COMMD1: variants seen among roughly 807,000 people sequenced by gnomAD.
The protein encoded by COMMD1 is copper metabolism domain containing 1.
In COMMD1, 10 loss-of-function variants were observed where a neutral mutation model predicts 17.2. The observed-to-expected ratio is 0.58, with a 90% CI of 0.36 to 0.99. The LOEUF (loss-of-function observed/expected upper bound fraction) is 0.99, where lower values mean the gene tolerates loss of function less well. Ranked by LOEUF, COMMD1 falls within the 50% of genes least tolerant of loss-of-function variation. COMMD1 has a pLI of 0.01. For missense variants in COMMD1, 270 were observed against 231.8 expected, an observed-to-expected ratio of 1.17 and a Z score of -1.07; for synonymous variants, 97 against 91.6, an observed-to-expected ratio of 1.06 and a Z score of -0.34.
chr2:61,890,465 C>T (rs66481227), intron 1 of COMMD1, among the ~76,000 whole-genome samples: 33,496 of 151,960 alleles, frequency 0.22, 3,810 homozygotes, highest in Non-Finnish European at 0.24. Context: ...GTGATAGGCC[C>T]GCCTCGGCTT....
chr2:61,956,387 C>T (rs1287649341), intron 1 of COMMD1, among the ~76,000 whole-genome samples: 2 of 149,206 alleles, frequency 1.3e-5, no homozygotes, highest in Non-Finnish European at 2.9e-5. Flanking sequence ...TAAATGTTAG[C>T]ACCTCAAAAT....
chr2:62,097,723 C>A (rs995964947), intron 2 of COMMD1, among the ~76,000 whole-genome samples: 2 of 152,112 alleles, frequency 1.3e-5, no homozygotes, highest in South Asian at 4.2e-4. Context: ...GTTTGAAACC[C>A]CTACCATTTG....
chr2:62,102,056 T>G (rs2104022143), intron 2 of COMMD1, among the ~76,000 whole-genome samples: 1 of 152,290 alleles, frequency 6.6e-6, no homozygotes, highest in East Asian at 1.9e-4. Flanking sequence ...CAGCCACCAC[T>G]CATCTCATTA....
intron 2 of COMMD1, among the ~76,000 whole-genome samples, chr2:62,088,059 A>G (rs1024326566): frequency 2.0e-5 from 3 of 152,090 alleles, no homozygotes; most frequent in African/African-American, 4.8e-5. Context: ...TTCTCATCCA[A>G]TTCACTTACA....
intron 1 of COMMD1, among the ~76,000 whole-genome samples, chr2:61,889,459 C>T (rs1247243039): frequency 6.6e-6 from 1 of 152,108 alleles, no homozygotes; most frequent in African/African-American, 2.4e-5. Context: ...GGTCCACCCT[C>T]CTCAGCGTTT....
chr2:61,981,874 A>G (rs144282190), intron 1 of COMMD1, among the ~76,000 whole-genome samples: 268 of 152,326 alleles, frequency 1.8e-3, no homozygotes, highest in African/African-American at 5.7e-3. Context: ...CAGCCAAACC[A>G]TATCAGTTAC....
chr2:62,004,538 G>A (rs180803889), intron 2 of COMMD1, among the ~76,000 whole-genome samples: 57 of 152,122 alleles, frequency 3.7e-4, no homozygotes, highest in African/African-American at 1.3e-3. Flanking sequence ...TCCTGACCTC[G>A]TGATCCACCC....
chr2:62,068,877 G>A (rs769582343), intron 2 of COMMD1, among the ~76,000 whole-genome samples: 1 of 151,740 alleles, frequency 6.6e-6, no homozygotes, highest in African/African-American at 2.4e-5. Flanking sequence ...TCCTGACCTC[G>A]TGATTCACCC....
chr2:61,936,947 A>G (rs1670621140), intron 1 of COMMD1, among the ~76,000 whole-genome samples: 1 of 152,180 alleles, frequency 6.6e-6, no homozygotes, highest in East Asian at 1.9e-4. Context: ...CTAATATATC[A>G]GTCAATACGT....
chr2:62,103,656 C>T (rs930249347), intron 2 of COMMD1, among the ~76,000 whole-genome samples: 6 of 152,190 alleles, frequency 3.9e-5, no homozygotes, highest in African/African-American at 1.4e-4. Context: ...TCAAAAATTG[C>T]TCAGTTCATC....
At chr2:61,979,655 C>A (rs1671903020) in intron 1 of COMMD1, among the ~76,000 whole-genome samples, 1 of 152,116 alleles carries the variant, frequency 6.6e-6, no homozygotes, top group South Asian at 2.1e-4. Context: ...AGTGGTTGTA[C>A]TAATTTACCT....
upstream of COMMD1, chr2:61,888,653 G>C (rs907849450): frequency 1.1e-6 from 1 of 943,014 alleles, no homozygotes; most frequent in South Asian, 1.8e-5. Context: ...CGGAGGCGGA[G>C]AAGGGGGCCT....
rs532003853 is a variant in COMMD1 at position 62,027,996 on chromosome 2, T to C, written c.462+27014T>C. 1.8e-4 allele frequency among the ~76,000 whole-genome samples: 27 copies of C among 152,290 alleles called. No homozygotes were observed. The South Asian group carries it at 5.6e-3, about 32-fold the overall frequency. ...AAATGGGTAATAATAGCAACTAAAT[T>C]TAGTTCCTGATTTTTATAGTCCATG... On this transcript the variant is annotated intron_variant, in intron 2 of 2. Transcript: ENST00000311832.
At chr2:62,071,944 C>T (rs1178355336) in intron 2 of COMMD1, among the ~76,000 whole-genome samples, 1 of 151,244 alleles carries the variant, frequency 6.6e-6, no homozygotes, top group African/African-American at 2.4e-5. Context: ...TAAGCCCATG[C>T]AAGGCAAGTG....
chr2:62,089,497 T>C (rs901868346), intron 2 of COMMD1, among the ~76,000 whole-genome samples: 10 of 152,132 alleles, frequency 6.6e-5, no homozygotes, highest in Non-Finnish European at 1.2e-4. Context: ...TTGGCCAGGC[T>C]GGTCTCGAAC....
intron 2 of COMMD1, among the ~76,000 whole-genome samples, chr2:62,123,098 C>A (rs1251949298): frequency 6.6e-6 from 1 of 152,164 alleles, no homozygotes; most frequent in Non-Finnish European, 1.5e-5. Flanking sequence ...TTGGCATGCA[C>A]CTATAATCCC....
chr2:62,048,745 G>T (rs1421781052), intron 2 of COMMD1, among the ~76,000 whole-genome samples: 4 of 151,538 alleles, frequency 2.6e-5, no homozygotes, highest in Non-Finnish European at 5.9e-5. Context: ...TTGAAAGTAA[G>T]TCCCTGGCCT....
intron 2 of COMMD1, among the ~76,000 whole-genome samples, chr2:62,106,803 G>T (rs1178300382): frequency 1.3e-5 from 2 of 152,226 alleles, no homozygotes; most frequent in Admixed American, 1.3e-4. Context: ...TTGGTAAGCA[G>T]AAGCAGAGAC....
chr2:62,061,204 A>G (rs1670845625), intron 2 of COMMD1, among the ~76,000 whole-genome samples: 1 of 152,308 alleles, frequency 6.6e-6, no homozygotes, highest in East Asian at 1.9e-4. Flanking sequence ...TTTGGTCTCC[A>G]ACTGTTTCTT....
Sources: allele counts gnomAD v4.1 joint callset (sites outside exome capture counted in the v4.1 genomes callset), GRCh38; gene constraint gnomAD v4.1.1; transcripts MANE v1.5; gene names NCBI Gene and HGNC (gene_info 2026-07-23, HGNC 2026-07-21).